DDHD1: variants seen among roughly 807,000 people sequenced by gnomAD.
The protein encoded by DDHD1 is DDHD domain containing 1.
In DDHD1, 49 loss-of-function variants were observed where a neutral mutation model predicts 96.4. The observed-to-expected ratio is 0.51, with a 90% CI of 0.40 to 0.64. DDHD1 has a LOEUF of 0.64. Ranked by LOEUF, DDHD1 falls within the 30% of genes least tolerant of loss-of-function variation. DDHD1 has a pLI of 0.00. For synonymous variants in DDHD1, 442 were observed against 446.5 expected (o/e 0.99, Z 0.13); for missense variants, 1,106 against 1,161.2 (o/e 0.95, Z 0.69).
At chr14:53,091,733 T>A in intron 4 of DDHD1, 52 bp downstream of exon 4, 1 of 1,576,826 alleles carries the variant, frequency 6.3e-7, no homozygotes, top group South Asian at 1.2e-5. Flanking sequence ...ATACCCTGGA[T>A]CAAAGTTTGG....
At chr14:53,122,394 C>A (rs372399909) in intron 1 of DDHD1, among the ~76,000 whole-genome samples, 8 of 152,254 alleles carry the variant, frequency 5.3e-5, no homozygotes, top group African/African-American at 1.9e-4. Flanking sequence ...CTAACAGTCC[C>A]CATGGGGCAG....
At chr14:53,095,029 T>C (rs1886763401) in intron 2 of DDHD1, among the ~76,000 whole-genome samples, 1 of 152,172 alleles carries the variant, frequency 6.6e-6, no homozygotes, top group Non-Finnish European at 1.5e-5. Flanking sequence ...CCTATCACAG[T>C]GTCTGGCACA....
Position 53,061,114 on chromosome 14 carries a change from C to T in DDHD1, c.1842+12G>A, listed in dbSNP as rs1883509693. Reference sequence around the variant, plus strand: ...GAGATCAATGTTGAAGAACACATTGCTCTTTCCTTACCTTAAATTTTAAGG... The same window carrying T: ...GAGATCAATGTTGAAGAACACATTGTTCTTTCCTTACCTTAAATTTTAAGG... On this transcript the variant is annotated intron_variant, in intron 8 of 12. Transcript: ENST00000673822. 2.5e-6 allele frequency: 4 copies of T among 1,603,062 alleles called. No homozygotes were observed. In the East Asian group the frequency reaches 8.9e-5, roughly 36 times the overall value.
chr14:53,072,674 C>T lies in DDHD1; in HGVS notation c.1426G>A (p.Val476Ile), dbSNP rs748624856. Residue 476 changes from valine (V) to isoleucine (I), a missense_variant, in exon 6 of 13, where the codon GTA (valine) becomes ATA (isoleucine). Physicochemically the swap from Val to Ile is conservative, Grantham distance 29. Coordinates refer to ENST00000673822, the MANE Select transcript of DDHD1 (RefSeq NM_001160148.2). ...TTCAGCATATCCCTTAAACCTCGTA[C>T]TTTGTCAGGAGTAATGGAATCAACA... ...DTVDSITPDK[V>I]RGLRDMLNSS... 6.2e-7 allele frequency: 1 copy of T among 1,610,004 alleles called. No homozygotes were observed. The highest frequency in any genetic ancestry group is 1.7e-5 in the Admixed American group (1 of 59,792).
At chr14:53,146,807 G>A (rs562989357) in intron 1 of DDHD1, among the ~76,000 whole-genome samples, 1 of 151,918 alleles carries the variant, frequency 6.6e-6, no homozygotes, top group African/African-American at 2.4e-5. Flanking sequence ...GAGTAGAACT[G>A]TAGATTATAT....
intron 1 of DDHD1, among the ~76,000 whole-genome samples, chr14:53,104,895 G>A (rs933723415): frequency 6.6e-6 from 1 of 151,910 alleles, no homozygotes; most frequent in Non-Finnish European, 1.5e-5. Flanking sequence ...TTAAAACTCC[G>A]TCATTTGTAC....
chr14:53,055,378 C>T (rs928156815), intron 10 of DDHD1, among the ~76,000 whole-genome samples: 6 of 152,204 alleles, frequency 3.9e-5, no homozygotes, highest in African/African-American at 9.7e-5. Flanking sequence ...CAAGATCTCA[C>T]AGCAAGTGGT....
intron 1 of DDHD1, among the ~76,000 whole-genome samples, chr14:53,115,080 C>T (rs1741191063): frequency 6.6e-6 from 1 of 151,990 alleles, no homozygotes; most frequent in Non-Finnish European, 1.5e-5. Context: ...ATGAAGCATA[C>T]ACAAGAATCA....
rs1881764783 is a variant in DDHD1 at position 53,043,076 on chromosome 14, G to A, written c.*3692C>T. On this transcript the variant is annotated 3_prime_UTR_variant, in exon 13 of 13. Coordinates refer to ENST00000673822, the MANE Select transcript of DDHD1 (RefSeq NM_001160148.2). ...GGGGCTCATGTACTATCACTGGAAT[G>A]AACAGAGGCACTAGCTGTGATACGG... 6.6e-6 allele frequency: 1 copy of A among 152,186 alleles called. No individual in the cohort carries two copies. Among genetic ancestry groups the A allele is most frequent in the Non-Finnish European group, 1.5e-5 (1 of 68,028 alleles). 9.4% of individuals were successfully genotyped at this position (152,186 alleles called of 1,614,324 possible).
At chr14:53,048,872 AAAG>A (rs1300359183) in intron 12 of DDHD1, 1 of 152,212 alleles carries the variant, frequency 6.6e-6, no homozygotes, top group Non-Finnish European at 1.5e-5. Flanking sequence ...TACAAAGGAA[AAAG>A]AAGATGAAAA....
intron 1 of DDHD1, among the ~76,000 whole-genome samples, chr14:53,147,567 A>G (rs1367748053): frequency 6.6e-6 from 1 of 152,186 alleles, no homozygotes; most frequent in Non-Finnish European, 1.5e-5. Flanking sequence ...CCTGCCATCC[A>G]TACATGTCAC....
At chr14:53,095,991 G>T in intron 2 of DDHD1, 1 of 254,492 alleles carries the variant, frequency 3.9e-6, no homozygotes, top group Non-Finnish European at 6.2e-6. Flanking sequence ...TAATAAAGTA[G>T]CAGTAAACAA....
intron 1 of DDHD1, among the ~76,000 whole-genome samples, chr14:53,122,586 T>TTG (rs1431701773): frequency 6.6e-6 from 1 of 151,392 alleles, no homozygotes; most frequent in Non-Finnish European, 1.5e-5. Context: ...CTAATAGTTT[T>TTG]TTTTTTTTTT....
chr14:53,068,587 T>G (rs745501769), intron 6 of DDHD1, among the ~76,000 whole-genome samples: 1 of 152,142 alleles, frequency 6.6e-6, no homozygotes, highest in Non-Finnish European at 1.5e-5. Flanking sequence ...GTCTCATTGC[T>G]ACTTTTTATT....
chr14:53,087,735 C>T (rs549437697), intron 4 of DDHD1, among the ~76,000 whole-genome samples: 6 of 152,232 alleles, frequency 3.9e-5, no homozygotes, highest in South Asian at 2.1e-4. Flanking sequence ...GACACCCCAA[C>T]ATCAGAATTA....
At chr14:53,151,692 C>T (rs1302449731) in intron 1 of DDHD1, among the ~76,000 whole-genome samples, 1 of 152,226 alleles carries the variant, frequency 6.6e-6, no homozygotes, top group Non-Finnish European at 1.5e-5. Flanking sequence ...CAGTATTCCA[C>T]CGAGGGAGCG....
rs538274315 is a variant in DDHD1 at position 53,088,655 on chromosome 14, T to C, written c.1289+3130A>G. ...CTAAAAACTCTCAATAAACTAGGTA[T>C]TGATGGAACATATCTCAAAATAATA... On this transcript the variant is annotated intron_variant, in intron 4 of 12. Transcript: ENST00000673822. Among the ~76,000 whole-genome samples the C allele has an allele frequency of 5.9e-5, 9 of 152,304 alleles. No individual in the cohort carries two copies. The South Asian group carries it at 1.2e-3, about 21-fold the overall frequency.
chr14:53,103,403 A>T (rs1047550581), intron 2 of DDHD1: 4 of 360,462 alleles, frequency 1.1e-5, no homozygotes, highest in African/African-American at 2.1e-5. Flanking sequence ...AAAAATTACT[A>T]AAAAAGATTA....
chr14:53,117,998 G>A (rs1166411880), intron 1 of DDHD1, among the ~76,000 whole-genome samples: 9 of 152,268 alleles, frequency 5.9e-5, no homozygotes, highest in African/African-American at 9.6e-5. Context: ...TGCAGCCTCC[G>A]CTGGTGATAC....
Sources: allele counts gnomAD v4.1 joint callset (sites outside exome capture counted in the v4.1 genomes callset), GRCh38; gene constraint gnomAD v4.1.1; transcripts MANE v1.5; gene names NCBI Gene and HGNC (gene_info 2026-07-23, HGNC 2026-07-21).